ARHGAP35: variants seen among roughly 807,000 people sequenced by gnomAD.
ARHGAP35 encodes rho GTPase-activating protein 35.
ARHGAP35 carries 15 observed loss-of-function variants against 111.1 expected under a neutral mutation model. The observed-to-expected ratio is 0.13, with a 90% CI of 0.09 to 0.21. ARHGAP35 has a LOEUF of 0.21. ARHGAP35 is among the 10% of genes least tolerant of loss of function. ARHGAP35 has a pLI of 1.00. For missense variants in ARHGAP35, 1,262 were observed against 1,873.0 expected (o/e 0.67, Z 6.02); for synonymous variants, 643 against 710.3 (o/e 0.91, Z 1.51).
chr19:46,895,975 G>A (rs1443640975), intron 1 of ARHGAP35, among the ~76,000 whole-genome samples: 1 of 152,132 alleles, frequency 6.6e-6, no homozygotes, highest in Non-Finnish European at 1.5e-5. Context: ...AGTGGCACAT[G>A]CCTGTAGTCC....
At chr19:46,996,343 T>C (rs2056707177) in intron 5 of ARHGAP35, among the ~76,000 whole-genome samples, 1 of 152,106 alleles carries the variant, frequency 6.6e-6, no homozygotes, top group Admixed American at 6.6e-5. Context: ...CTTCAAGTGA[T>C]CCACCCACCT....
Position 46,926,209 on chromosome 19 carries a change from G to A in ARHGAP35, c.3681+3853G>A, listed in dbSNP as rs1256102049. ...CTATAAAACTGGAGTCGGAGTGAGG[G>A]AATCGCTTTCATTTCTCCTCATGAA... On this transcript the variant is annotated intron_variant, in intron 2 of 6. Coordinates refer to ENST00000672722, the MANE Select transcript of ARHGAP35 (RefSeq NM_004491.5). The surrounding 1 kb of genome is among the most constrained non-coding windows in gnomAD (Gnocchi z 4.1). 2.6e-5 allele frequency among the ~76,000 whole-genome samples: 4 copies of A among 152,174 alleles called. No individual in the cohort carries two copies.
chr19:46,949,413 A>G (rs1309410242), intron 3 of ARHGAP35, among the ~76,000 whole-genome samples: 2 of 152,240 alleles, frequency 1.3e-5, no homozygotes, highest in Admixed American at 1.3e-4. Flanking sequence ...TACACTCAGC[A>G]TCTCTACTGG....
At chr19:46,876,833 G>C (rs963623720) in intron 1 of ARHGAP35, among the ~76,000 whole-genome samples, 1 of 152,136 alleles carries the variant, frequency 6.6e-6, no homozygotes, top group Non-Finnish European at 1.5e-5. Context: ...AGAATATAGT[G>C]GTAGGAAAAT....
intron 2 of ARHGAP35, among the ~76,000 whole-genome samples, chr19:46,936,632 A>G (rs545037693): frequency 1.3e-5 from 2 of 152,254 alleles, no homozygotes; most frequent in Non-Finnish European, 2.9e-5. Flanking sequence ...TGTTTACTCC[A>G]GTGCATCCCT....
intron 3 of ARHGAP35, among the ~76,000 whole-genome samples, chr19:46,952,478 A>T (rs986424008): frequency 1.3e-5 from 2 of 152,256 alleles, no homozygotes; most frequent in Non-Finnish European, 2.9e-5. Flanking sequence ...TTAAGAAGTC[A>T]GTAATTCTCA....
chr19:46,941,760 A>T (rs1047930409), intron 3 of ARHGAP35, among the ~76,000 whole-genome samples: 6 of 149,496 alleles, frequency 4.0e-5, no homozygotes, highest in Non-Finnish European at 5.9e-5. Context: ...AAGTCTCACT[A>T]TGTTGCCCAG....
At chr19:46,962,780 A>C (rs1198398860) in intron 3 of ARHGAP35, among the ~76,000 whole-genome samples, 1 of 152,112 alleles carries the variant, frequency 6.6e-6, no homozygotes, top group South Asian at 2.1e-4. Context: ...CACCCAGCTA[A>C]TTTTTGTATT....
chr19:46,962,091 G>A (rs1161492305), intron 3 of ARHGAP35, among the ~76,000 whole-genome samples: 2 of 152,326 alleles, frequency 1.3e-5, no homozygotes, highest in East Asian at 3.9e-4. Flanking sequence ...GATGTTTTGT[G>A]TCTTGATCTG....
intron 1 of ARHGAP35, among the ~76,000 whole-genome samples, chr19:46,862,788 C>T (rs890726572): frequency 3.9e-5 from 6 of 152,130 alleles, no homozygotes; most frequent in Non-Finnish European, 8.8e-5. Context: ...AAGTTTTCCA[C>T]ATGACAGTCT....
chr19:46,977,277 A>G (rs769600870), intron 3 of ARHGAP35, among the ~76,000 whole-genome samples: 15 of 152,214 alleles, frequency 9.9e-5, no homozygotes, highest in Non-Finnish European at 1.9e-4. Context: ...TAATGAACCC[A>G]CTACGTTCCT....
Position 46,892,124 on chromosome 19 carries a change from A to G in ARHGAP35, c.-188-26364A>G, listed in dbSNP as rs1448341489. Reference sequence around the variant, plus strand: ...AACGTAGTGAAACCCTGTCTCTACTAAAAAAAAAAAAAAAAAAAAAAAAGA... The same window carrying G: ...AACGTAGTGAAACCCTGTCTCTACTGAAAAAAAAAAAAAAAAAAAAAAAGA... On this transcript the variant is annotated intron_variant, in intron 1 of 6. Transcript: ENST00000672722. 6.5e-5 allele frequency among the ~76,000 whole-genome samples: 8 copies of G among 122,942 alleles called. No individual in the cohort carries two copies. In the East Asian group the frequency reaches 7.0e-4, roughly 11 times the overall value. The allele number at this position is 122,942 out of a possible 152,430, so 80.7% of individuals were successfully genotyped here.
chr19:46,892,123 TAAAAAAAA>T (rs1178888092), intron 1 of ARHGAP35, among the ~76,000 whole-genome samples: 1 of 53,894 alleles, frequency 1.9e-5, no homozygotes, highest in Non-Finnish European at 3.6e-5. Context: ...CTGTCTCTAC[TAAAAAAAA>T]AAAAAAAAAA....
chr19:46,938,354 T>G (rs1289561644), intron 3 of ARHGAP35, among the ~76,000 whole-genome samples: 1 of 152,096 alleles, frequency 6.6e-6, no homozygotes, highest in East Asian at 1.9e-4. Flanking sequence ...TTTATTTTTA[T>G]TTTTATTTTT....
intron 1 of ARHGAP35, among the ~76,000 whole-genome samples, chr19:46,914,849 C>T (rs2056155535): frequency 6.6e-6 from 1 of 152,062 alleles, no homozygotes; most frequent in Admixed American, 6.6e-5. Flanking sequence ...AATATTAGAC[C>T]CACTTTACAG....
At chr19:46,881,781 CTT>C (rs1212352343) in intron 1 of ARHGAP35, among the ~76,000 whole-genome samples, 1 of 152,212 alleles carries the variant, frequency 6.6e-6, no homozygotes, top group Non-Finnish European at 1.5e-5. Context: ...CAGCCATTGA[CTT>C]CTCTCTAGCT....
At chr19:46,976,142 C>G (rs1462251996) in intron 3 of ARHGAP35, among the ~76,000 whole-genome samples, 1 of 151,110 alleles carries the variant, frequency 6.6e-6, no homozygotes, top group African/African-American at 2.4e-5. Context: ...CTCCCTCCCC[C>G]TGTAATTCTA....
intron 3 of ARHGAP35, among the ~76,000 whole-genome samples, chr19:46,946,108 C>T (rs1181630959): frequency 6.6e-6 from 1 of 152,250 alleles, no homozygotes; most frequent in Non-Finnish European, 1.5e-5. Flanking sequence ...CAGTTAGTCC[C>T]TCTGGAATGA....
At chr19:46,896,463 T>C (rs567218935) in intron 1 of ARHGAP35, among the ~76,000 whole-genome samples, 149 of 152,346 alleles carry the variant, frequency 9.8e-4, no homozygotes, top group African/African-American at 3.5e-3. Context: ...GTGGGAAATA[T>C]ATTATGAAGT....
Sources: allele counts gnomAD v4.1 joint callset (sites outside exome capture counted in the v4.1 genomes callset), GRCh38; gene constraint gnomAD v4.1.1; non-coding constraint Gnocchi (gnomAD v3.1); transcripts MANE v1.5; gene names NCBI Gene and HGNC (gene_info 2026-07-23, HGNC 2026-07-21).